The following PIGO variants were observed in gnomAD, a reference collection of about 807,000 sequenced individuals.
The protein encoded by PIGO is phosphatidylinositol glycan anchor biosynthesis class O.
In PIGO, 66 loss-of-function variants were observed where a neutral mutation model predicts 86.9. The ratio of observed to expected loss-of-function variants is 0.76; its 90% CI spans 0.62 to 0.93. The LOEUF (loss-of-function observed/expected upper bound fraction) is 0.93. Among genes scored for constraint, PIGO ranks in the 40% least tolerant of loss-of-function variants. The probability of loss-of-function intolerance (pLI) is 0.00; values close to 1 mark genes in which losing one functional copy is unlikely to be tolerated. For missense variants in PIGO, 1,202 were observed against 1,359.1 expected, an observed-to-expected ratio of 0.88 and a Z score of 1.82; for synonymous variants, 570 against 556.4, an observed-to-expected ratio of 1.02 and a Z score of -0.34.
At chr9:35,094,444 T>C (rs1829577545) in intron 2 of PIGO, 85 bp from the exon 3 acceptor site, 2 of 1,479,644 alleles carry the variant, frequency 1.4e-6, no homozygotes, top group Admixed American at 2.3e-5. Context: ...TAAAGACCCA[T>C]CAGAAGTCCC....
chr9:35,088,879 C>T lies in PIGO; in HGVS notation c.*213G>A. On this transcript the variant is annotated 3_prime_UTR_variant, in exon 11 of 11. Transcript: ENST00000378617. ...CCACTTCGGAGACCGCCCCCCTTGT[C>T]CCTCAGATGCATCCAAATCAGGAGT... is the stretch of plus-strand genomic sequence containing the variant. The T allele has an allele frequency of 1.6e-6, 1 of 619,332 alleles. No individual in the cohort carries two copies. The highest frequency in any genetic ancestry group is 2.2e-5 in the South Asian group (1 of 46,352). 38.4% of individuals were successfully genotyped at this position (619,332 alleles called of 1,614,324 possible).
chr9:35,094,725 C>CTCT (rs767625380), intron 2 of PIGO, among the ~76,000 whole-genome samples: 56 of 152,252 alleles, frequency 3.7e-4, no homozygotes, highest in Non-Finnish European at 7.3e-4. Context: ...TCCACATCTT[C>CTCT]TCTTCTTCCC....
chr9:35,089,669 C>G, intron 9 of PIGO: 1 of 1,430,136 alleles, frequency 7.0e-7, no homozygotes, highest in Non-Finnish European at 9.1e-7. Context: ...CAGTATCCAT[C>G]TGCAATGCTA....
Position 35,095,388 on chromosome 9 carries a change from C to G in PIGO, c.178G>C (p.Ala60Pro). The change falls in exon 2 of 11, where the codon GCC (alanine) becomes CCC (proline). Residue 60 changes from alanine (A) to proline (P), a missense_variant. Coordinates refer to ENST00000378617, the MANE Select transcript of PIGO (RefSeq NM_032634.4). ...LPWGSQGKPG[A>P]CWMASRFSRV... ...GAAAATCGGGAAGCCATCCAGCAGG[C>G]CCCAGGTTTCCCTTGGCTCCCCCAT... is the stretch of plus-strand genomic sequence containing the variant. 6.2e-7 allele frequency: 1 copy of G among 1,614,160 alleles called. No homozygotes were observed. The highest frequency in any genetic ancestry group is 2.2e-5 in the East Asian group (1 of 44,874).
chr9:35,093,133 T>G lies in PIGO; in HGVS notation c.1016A>C (p.Asn339Thr). 1 of 1,614,204 alleles carries G rather than the reference T, an allele frequency of 6.2e-7. No individual in the cohort carries two copies. The highest frequency in any genetic ancestry group is 8.5e-7 in the Non-Finnish European group (1 of 1,180,028). ...TAGCTCAGCCATCACTTCCCCGATA[T>G]TCCCAAATGGGATGGGCAGGCCCAG... ...LLLGLPIPFG[N>T]IGEVMAELFS... The change falls in exon 6 of 11, where the codon AAT (asparagine) becomes ACT (threonine). Residue 339 changes from asparagine to threonine, a missense_variant. Coordinates refer to ENST00000378617, the MANE Select transcript of PIGO (RefSeq NM_032634.4).
At position 35,092,538 on chromosome 9, in the gene PIGO, C is replaced by A. The variant is rs756196244; in HGVS notation, c.1349G>T (p.Arg450Leu). The part of the protein sequence containing the change: ...IESWARFSLV[R>L]MAGGTALLAA... ...CAAGAGAGCAGTACCCCCCGCCATG[C>A]GGACCAGAGAGAAACGAGCCCAAGA... is the stretch of plus-strand genomic sequence containing the variant. The change falls in exon 7 of 11, where the codon CGC becomes CTC. Residue 450 changes from arginine to leucine, a missense_variant. Physicochemically the swap from Arg to Leu is moderately radical, Grantham distance 102. Coordinates refer to ENST00000378617, the MANE Select transcript of PIGO (RefSeq NM_032634.4). The A allele has an allele frequency of 1.9e-6, 3 of 1,614,192 alleles. No individual in the cohort carries two copies. The highest frequency in any genetic ancestry group is 2.5e-6 in the Non-Finnish European group (3 of 1,179,998).
chr9:35,091,336 G>A lies in PIGO; in HGVS notation c.2551C>T (p.His851Tyr). The A allele has an allele frequency of 6.2e-7, 1 of 1,614,116 alleles. No individual in the cohort carries two copies. Among genetic ancestry groups the A allele is most frequent in the Non-Finnish European group, 8.5e-7 (1 of 1,180,048 alleles). ...AACACAAGGCTGATGCGCTCCGCAT[G>A]CAACAGCAGAAGTGGGAAGGCCAAC... ...TLLAFPLLLL[H>Y]AERISLVFLL... Residue 851 changes from histidine (H) to tyrosine (Y), a missense_variant, in exon 7 of 11, where the codon CAT becomes TAT. By Grantham distance (83) the His-to-Tyr change is moderately conservative (BLOSUM62 2). Transcript: ENST00000378617.
At chr9:35,093,320 CATGGATT>C in intron 5 of PIGO, 94 bp downstream of exon 5, 1 of 1,578,688 alleles carries the variant, frequency 6.3e-7, no homozygotes, top group Non-Finnish European at 8.6e-7. Flanking sequence ...TACCCAGGAT[CATGGATT>C]TGGGGGCCTA....
chr9:35,090,568 G>T lies in PIGO; in HGVS notation c.2752C>A (p.His918Asn). The T allele has an allele frequency of 6.2e-7, 1 of 1,614,238 alleles. No individual in the cohort carries two copies. Among genetic ancestry groups the T allele is most frequent in the Non-Finnish European group, 8.5e-7 (1 of 1,180,042 alleles). The stretch of plus-strand genomic sequence containing the variant: ...TCTGGGAATCCCACGAAGGCTGCAT[G>T]CCAATGGATGGCTGGAAAGACAGGC... ...HQPVFPAIHW[H>N]AAFVGFPEGH... Residue 918 changes from histidine to asparagine, a missense_variant, in exon 8 of 11, where the codon CAT becomes AAT. Coordinates refer to ENST00000378617, the MANE Select transcript of PIGO (RefSeq NM_032634.4).
chr9:35,095,933 G>A (rs1829652676), intron 1 of PIGO: 1 of 191,130 alleles, frequency 5.2e-6, no homozygotes, highest in African/African-American at 2.4e-5. Context: ...GAATCGGGGA[G>A]GCGGAGGTTG....
chr9:35,089,579 G>GC (rs1444677922), intron 9 of PIGO, 129 bp from the exon 10 acceptor site: 2 of 1,507,704 alleles, frequency 1.3e-6, no homozygotes, highest in Admixed American at 4.3e-5. Flanking sequence ...AAAAAATATT[G>GC]CATGTCCTGG....
At chr9:35,090,333 G>A in intron 8 of PIGO, 53 bp from the exon 9 acceptor site, 1 of 1,591,452 alleles carries the variant, frequency 6.3e-7, no homozygotes, top group Non-Finnish European at 8.6e-7. Context: ...GGCTGGCTCA[G>A]GTTCCAATTA....
At chr9:35,090,309 C>G (rs1464899543) in intron 8 of PIGO, 29 bp from the exon 9 acceptor site, 1 of 1,603,650 alleles carries the variant, frequency 6.2e-7, no homozygotes, top group Non-Finnish European at 8.5e-7. Flanking sequence ...TGGCTGGAAT[C>G]AACAGGCCAC....
At chr9:35,089,345 C>A in intron 10 of PIGO, 35 bp downstream of exon 10, 4 of 1,614,150 alleles carry the variant, frequency 2.5e-6, no homozygotes, top group Non-Finnish European at 3.4e-6. Context: ...TTTCTCCCTC[C>A]CCACCACCTC....
intron 7 of PIGO, 65 bp downstream of exon 7, chr9:35,091,175 G>A (rs774152712): frequency 1.3e-5 from 19 of 1,484,598 alleles, no homozygotes; most frequent in Non-Finnish European, 1.7e-5. Flanking sequence ...ACACCTCCTT[G>A]AAAACAAGAG....
rs760705020 is a variant in PIGO at position 35,094,229 on chromosome 9, G to A, written c.642C>T (p.His214=). The stretch of plus-strand genomic sequence containing the variant: ...CCCCATGCTCACTGGTGGGGTAGAG[G>A]TGTTCCAGGATGCCATTGTCCACTG... ...LDTVDNGILE[H]LYPTMDSGEW... Residue 214 remains histidine, a synonymous_variant, in exon 3 of 11, where the codon CAC becomes CAT. Coordinates refer to ENST00000378617, the MANE Select transcript of PIGO (RefSeq NM_032634.4). 4 of 1,598,780 alleles carry A rather than the reference G, an allele frequency of 2.5e-6. No homozygotes were observed. The South Asian group carries it at 4.5e-5, about 18-fold the overall frequency.
Position 35,092,182 on chromosome 9 carries a change from C to T in PIGO, c.1705G>A (p.Glu569Lys). The T allele has an allele frequency of 6.2e-7, 1 of 1,614,202 alleles. No individual in the cohort carries two copies. Among genetic ancestry groups the T allele is most frequent in the Admixed American group, 1.7e-5 (1 of 60,020 alleles). ...VFFSDSFVVA[E>K]ARATPFLLGS... ...AAAAGGAAGGGGGTGGCCCTGGCCT[C>T]AGCTACAACAAAACTATCAGAGAAG... Residue 569 changes from glutamate to lysine, a missense_variant, in exon 7 of 11, where the codon GAG (glutamate) becomes AAG (lysine). By Grantham distance (56) the Glu-to-Lys change is moderately conservative (BLOSUM62 1). Transcript: ENST00000378617.
rs1829479951 is a variant in PIGO at position 35,092,545 on chromosome 9, G to C, written c.1342C>G (p.Leu448Val). ...MCIESWARFS[L>V]VRMAGGTALL... ...GCAGTACCCCCCGCCATGCGGACCAGAGAGAAACGAGCCCAAGACTCGATG... is the reference window on the plus strand; with the variant it reads ...GCAGTACCCCCCGCCATGCGGACCACAGAGAAACGAGCCCAAGACTCGATG... The change falls in exon 7 of 11, where the codon CTG becomes GTG. Residue 448 changes from leucine (L) to valine (V), a missense_variant. Transcript: ENST00000378617. The C allele has an allele frequency of 6.2e-7, 1 of 1,614,092 alleles. No homozygotes were observed. The highest frequency in any genetic ancestry group is 8.5e-7 in the Non-Finnish European group (1 of 1,180,032).
At chr9:35,095,931 G>A (rs1829652555) in intron 1 of PIGO, 3 of 191,246 alleles carry the variant, frequency 1.6e-5, no homozygotes, top group South Asian at 1.8e-4. Context: ...TTGAATCGGG[G>A]AGGCGGAGGT....
Sources: gnomAD v4.1 joint callset for allele counts (sites outside exome capture counted in the v4.1 genomes callset) on GRCh38, gnomAD v4.1.1 for gene constraint, MANE v1.5 for transcripts, NCBI Gene and HGNC (gene_info 2026-07-23, HGNC 2026-07-21) for gene names.